The following ACIN1 variants were observed in gnomAD, a reference collection of about 807,000 sequenced individuals.
ACIN1 encodes apoptotic chromatin condensation inducer 1.
In ACIN1, 16 loss-of-function variants were observed where a neutral mutation model predicts 146.6. The ratio of observed to expected loss-of-function variants is 0.11; its 90% CI spans 0.07 to 0.17. The LOEUF (loss-of-function observed/expected upper bound fraction) is 0.17, where lower values mean the gene tolerates loss of function less well. ACIN1 is among the 10% of genes least tolerant of loss of function. The probability of loss-of-function intolerance (pLI) is 1.00; values close to 1 mark genes in which losing one functional copy is unlikely to be tolerated. For synonymous variants in ACIN1, 569 were observed against 582.7 expected (o/e 0.98, Z 0.34); for missense variants, 1,357 against 1,609.3 (o/e 0.84, Z 2.68).
chr14:23,091,336 C>A (rs1396054657), intron 2 of ACIN1, among the ~76,000 whole-genome samples: 2 of 152,038 alleles, frequency 1.3e-5, no homozygotes, highest in Admixed American at 6.6e-5. Context: ...TGGGGGCTCA[C>A]GTCTGTAATC....
At chr14:23,090,757 G>T in intron 2 of ACIN1, 124 bp from the exon 3 acceptor site, 1 of 669,582 alleles carries the variant, frequency 1.5e-6, no homozygotes, top group Non-Finnish European at 2.4e-6. Flanking sequence ...CTAAAATGTT[G>T]GAAGGCTTTT....
intron 1 of ACIN1, 154 bp downstream of exon 1, chr14:23,094,821 A>C: frequency 8.7e-7 from 1 of 1,154,860 alleles, no homozygotes; most frequent in Non-Finnish European, 1.2e-6. Flanking sequence ...TCCAGCGCGA[A>C]CCTCATCAAC....
In ACIN1 at chr14:23,063,542, C is replaced by T. The variant is rs116399584; in HGVS notation, c.2631G>A (p.Arg877=). The T allele has an allele frequency of 6.2e-7, 1 of 1,614,202 alleles. No individual in the cohort carries two copies. Among genetic ancestry groups the T allele is most frequent in the East Asian group, 2.2e-5 (1 of 44,886 alleles). ...VPAEGQENGQ[R]EEEEEEKEPE... The stretch of plus-strand genomic sequence containing the variant: ...GTTCCTTCTCTTCTTCCTCTTCTTC[C>T]CTCTGCCCATTCTCCTGGCCCTCTG... The change falls in exon 13 of 19, where the codon AGG becomes AGA. Residue 877 remains arginine, a synonymous_variant. Coordinates refer to ENST00000605057, the MANE Select transcript of ACIN1 (RefSeq NM_001386863.1).
intron 9 of ACIN1, among the ~76,000 whole-genome samples, chr14:23,066,984 T>C (rs2047478263): frequency 6.6e-6 from 1 of 152,030 alleles, no homozygotes; most frequent in Non-Finnish European, 1.5e-5. Flanking sequence ...TTCTAAAGGG[T>C]AGGGCAGAAA....
chr14:23,068,205 A>C lies in ACIN1; in HGVS notation c.2265+1271T>G, dbSNP rs888953466. Reference sequence around the variant, plus strand: ...CGTCACAGCTTAAGTAGAGGGTCCCACTCAGTGTTTTACAGCATGGCACTG... The same window carrying C: ...CGTCACAGCTTAAGTAGAGGGTCCCCCTCAGTGTTTTACAGCATGGCACTG... On this transcript the variant is annotated intron_variant, in intron 9 of 18. Transcript: ENST00000605057. This position sits in a 1 kb window ranked among gnomAD's most constrained non-coding sequence, Gnocchi z 4.3. The C allele has an allele frequency of 2.0e-6, 2 of 985,768 alleles. No homozygotes were observed. Among genetic ancestry groups the C allele is most frequent in the African/African-American group, 3.5e-5 (2 of 57,230 alleles). 61.1% of individuals were successfully genotyped at this position (985,768 alleles called of 1,614,324 possible).
Position 23,061,396 on chromosome 14 carries a change from C to T in ACIN1, c.3326G>A (p.Arg1109Gln), listed in dbSNP as rs1022077085. The T allele has an allele frequency of 1.2e-6, 2 of 1,614,078 alleles. No individual in the cohort carries two copies. Among genetic ancestry groups the T allele is most frequent in the Non-Finnish European group, 1.7e-6 (2 of 1,180,016 alleles). ...ERTRSEREWD[R>Q]DKVREGPRSR... ...ACGGGGCCCTTCTCGAACTTTGTCC[C>T]GATCCCATTCACGCTCTGATCGAGT... Residue 1109 changes from arginine (R) to glutamine (Q), a missense_variant, in exon 17 of 19, where the codon CGG (arginine) becomes CAG (glutamine). Arg to Gln is a conservative substitution (Grantham distance 43, BLOSUM62 1). Coordinates refer to ENST00000605057, the MANE Select transcript of ACIN1 (RefSeq NM_001386863.1).
Position 23,087,987 on chromosome 14 carries a change from T to C in ACIN1, c.436+1995A>G, listed in dbSNP as rs911054735. Among the ~76,000 whole-genome samples, 3 of 152,352 alleles carry C rather than the reference T, an allele frequency of 2.0e-5. No individual in the cohort carries two copies. In the South Asian group the frequency reaches 6.2e-4, roughly 32 times the overall value. Reference sequence around the variant, plus strand: ...ATGAGGCTTTCTCTAATCACTGTAGTCCTCAGAGCTCTTCCACTCTTTTGG... The same window carrying C: ...ATGAGGCTTTCTCTAATCACTGTAGCCCTCAGAGCTCTTCCACTCTTTTGG... On this transcript the variant is annotated intron_variant, in intron 4 of 18. Transcript: ENST00000605057.
chr14:23,091,751 G>A (rs2048235234), intron 2 of ACIN1, among the ~76,000 whole-genome samples: 1 of 151,860 alleles, frequency 6.6e-6, no homozygotes, highest in Admixed American at 6.6e-5. Flanking sequence ...AGTCTCCTGA[G>A]TAGCTGGGAT....
chr14:23,071,812 A>AGG (rs2047665131), intron 8 of ACIN1, among the ~76,000 whole-genome samples: 1 of 152,212 alleles, frequency 6.6e-6, no homozygotes, highest in Non-Finnish European at 1.5e-5. Context: ...GGTGGAGGAC[A>AGG]TGTAAAGTTA....
chr14:23,075,551 C>T (rs1415336363), intron 8 of ACIN1, among the ~76,000 whole-genome samples: 2 of 151,838 alleles, frequency 1.3e-5, no homozygotes, highest in Admixed American at 6.6e-5. Flanking sequence ...TTTAACCAAA[C>T]ACAGCAAAAA....
chr14:23,069,641 T>TGGTGGGGGG, intron 8 of ACIN1, 24 bp from the exon 9 acceptor site: 1 of 309,222 alleles, frequency 3.2e-6, no homozygotes, highest in South Asian at 2.9e-5. Flanking sequence ...GGAGTGGTGG[T>TGGTGGGGGG]GGGGGGGCGG....
intron 8 of ACIN1, among the ~76,000 whole-genome samples, chr14:23,071,834 T>C (rs1390301756): frequency 3.9e-5 from 6 of 151,928 alleles, no homozygotes; most frequent in Admixed American, 1.3e-4. Flanking sequence ...AGCTGCTTGA[T>C]TGGAAGATTC....
rs886161030 is a variant in ACIN1 at position 23,080,153 on chromosome 14, T to A, written c.1182A>T (p.Leu394Phe). 1 of 1,614,136 alleles carries A rather than the reference T, an allele frequency of 6.2e-7. No homozygotes were observed. Among genetic ancestry groups the A allele is most frequent in the Admixed American group, 1.7e-5 (1 of 60,016 alleles). ...TGTCAGCATCTGTATTAGGAGGAGA[T>A]AACTGAATGAGGACAGCGGGGGCTG... is the stretch of plus-strand genomic sequence containing the variant. ...EGPAPAVLIQ[L>F]SPPNTDADTR... The change falls in exon 6 of 19, where the codon TTA (leucine) becomes TTT (phenylalanine). Residue 394 changes from leucine (L) to phenylalanine (F), a missense_variant. Physicochemically the swap from Leu to Phe is conservative, Grantham distance 22. Coordinates refer to ENST00000605057, the MANE Select transcript of ACIN1 (RefSeq NM_001386863.1).
chr14:23,083,707 C>T (rs369494640), intron 4 of ACIN1, among the ~76,000 whole-genome samples: 3 of 152,080 alleles, frequency 2.0e-5, no homozygotes, highest in Non-Finnish European at 4.4e-5. Context: ...CCAGCCTGGG[C>T]GACAGAGCGA....
At chr14:23,070,920 C>T (rs2047623949) in intron 8 of ACIN1, among the ~76,000 whole-genome samples, 1 of 151,994 alleles carries the variant, frequency 6.6e-6, no homozygotes, top group Admixed American at 6.5e-5. Flanking sequence ...AGAGAAAAGG[C>T]TTATACAAAA....
chr14:23,067,676 G>A lies in ACIN1; in HGVS notation c.2266-1668C>T. 1.0e-6 allele frequency: 1 copy of A among 985,944 alleles called. No homozygotes were observed. The highest frequency in any genetic ancestry group is 4.7e-5 in the South Asian group (1 of 21,290). The allele number at this position is 985,944 out of a possible 1,614,324, so 61.1% of individuals were successfully genotyped here. On this transcript the variant is annotated intron_variant, in intron 9 of 18. Coordinates refer to ENST00000605057, the MANE Select transcript of ACIN1 (RefSeq NM_001386863.1). This position sits in a 1 kb window ranked among gnomAD's most constrained non-coding sequence, Gnocchi z 4.6. ...TGATGAGATGGCCTGTGAGTAGCAG[G>A]AATGATCCTTGCCTTTTATCGTGAG...
intron 1 of ACIN1, among the ~76,000 whole-genome samples, chr14:23,094,287 A>C (rs1378161265): frequency 6.6e-6 from 1 of 152,006 alleles, no homozygotes. Context: ...AAACCTATAC[A>C]CTTGAATCGA....
intron 8 of ACIN1, among the ~76,000 whole-genome samples, chr14:23,075,326 T>TG (rs199760039): frequency 1.2e-4 from 17 of 140,866 alleles, no homozygotes; most frequent in African/African-American, 5.2e-4. Context: ...TCTTCCCCTT[T>TG]TTTTTTTTTT....
intron 8 of ACIN1, 31 bp from the exon 9 acceptor site, chr14:23,069,648 G>GGGGCC: frequency 3.6e-5 from 21 of 589,344 alleles, no homozygotes; most frequent in Non-Finnish European, 5.1e-5. Context: ...TGGTGGGGGG[G>GGGGCC]CGGGCAGAAA....
Sources: allele counts gnomAD v4.1 joint callset (sites outside exome capture counted in the v4.1 genomes callset), GRCh38; gene constraint gnomAD v4.1.1; non-coding constraint Gnocchi (gnomAD v3.1); transcripts MANE v1.5; gene names NCBI Gene and HGNC (gene_info 2026-07-23, HGNC 2026-07-21).